The following PARD3 variants were observed in gnomAD, a reference collection of about 807,000 sequenced individuals.
PARD3 encodes the protein par-3 family cell polarity regulator.
A neutral mutation model predicts 155.4 loss-of-function variants in PARD3; 75 were observed. The ratio of observed to expected loss-of-function variants is 0.48; its 90% CI spans 0.40 to 0.58. The LOEUF is 0.58. Among genes scored for constraint, PARD3 ranks in the 20% least tolerant of loss-of-function variants. PARD3 has a pLI of 0.00. For synonymous variants in PARD3, 576 were observed against 610.5 expected (o/e 0.94, Z 0.83); for missense variants, 1,642 against 1,721.7 (o/e 0.95, Z 0.82).
At chr10:34,279,876 T>C (rs549864786) in intron 21 of PARD3, among the ~76,000 whole-genome samples, 1 of 152,308 alleles carries the variant, frequency 6.6e-6, no homozygotes, top group East Asian at 1.9e-4. Context: ...CCTAAGGAGA[T>C]TTATAAATAT....
chr10:34,811,504 C>T (rs1410769239), intron 1 of PARD3, among the ~76,000 whole-genome samples: 5 of 152,134 alleles, frequency 3.3e-5, no homozygotes, highest in African/African-American at 1.2e-4. Flanking sequence ...GCCTTCCCAC[C>T]AACCAAGCCC....
At chr10:34,721,110 A>G (rs1032351882) in intron 1 of PARD3, among the ~76,000 whole-genome samples, 1 of 152,188 alleles carries the variant, frequency 6.6e-6, no homozygotes, top group Non-Finnish European at 1.5e-5. Flanking sequence ...TATATCAACT[A>G]TTCAAAGTAA....
intron 22 of PARD3, among the ~76,000 whole-genome samples, chr10:34,193,770 C>T (rs1380311821): frequency 2.6e-5 from 4 of 152,184 alleles, no homozygotes; most frequent in African/African-American, 9.7e-5. Flanking sequence ...TACAAGAGCT[C>T]TAAGTGAAGC....
At chr10:34,346,110 G>A (rs1164297720) in intron 15 of PARD3, 4 of 1,006,406 alleles carry the variant, frequency 4.0e-6, no homozygotes, top group Admixed American at 5.8e-5. Context: ...AGAACTGGGA[G>A]AGAAGTTACT....
intron 1 of PARD3, among the ~76,000 whole-genome samples, chr10:34,781,629 C>T (rs1482631438): frequency 6.6e-6 from 1 of 152,214 alleles, no homozygotes; most frequent in African/African-American, 2.4e-5. Context: ...TTTATAATAA[C>T]TTATTTGTTC....
chr10:34,717,551 C>A (rs1023552311), intron 1 of PARD3, among the ~76,000 whole-genome samples: 3 of 152,114 alleles, frequency 2.0e-5, no homozygotes, highest in Admixed American at 6.5e-5. Context: ...CTTTCCAAAC[C>A]CTGAGAGTCT....
At chr10:34,394,919 T>C (rs955583926) in intron 7 of PARD3, among the ~76,000 whole-genome samples, 3 of 151,370 alleles carry the variant, frequency 2.0e-5, no homozygotes, top group Non-Finnish European at 4.4e-5. Context: ...AACCAGGTTC[T>C]AGAAATATTA....
intron 20 of PARD3, among the ~76,000 whole-genome samples, chr10:34,303,984 T>A (rs1230441767): frequency 4.6e-5 from 7 of 150,934 alleles, no homozygotes; most frequent in African/African-American, 1.7e-4. Context: ...AAGGGGAAAA[T>A]GAGGGTGGGA....
At chr10:34,380,824 A>G (rs1841745515) in intron 9 of PARD3, among the ~76,000 whole-genome samples, 1 of 152,208 alleles carries the variant, frequency 6.6e-6, no homozygotes, top group South Asian at 2.1e-4. Flanking sequence ...ATGGTGAAGC[A>G]AAATACTGTA....
rs1564725579 is a variant in PARD3 at position 34,448,166 on chromosome 10, C to CGTGTGT, written c.714+2150_714+2151insACACAC. ...GTGTGTGTGTGTGTGTGTGTGTGTA[C>CGTGTGT]ACATAAATGTATAAAATGGAATATT... On this transcript the variant is annotated intron_variant, in intron 5 of 24. Coordinates refer to ENST00000374788, the MANE Select transcript of PARD3 (RefSeq NM_001184785.2). 7.7e-3 allele frequency among the ~76,000 whole-genome samples: 940 copies of CGTGTGT among 122,662 alleles called. 8 individuals carry two copies. Among genetic ancestry groups the CGTGTGT allele is most frequent in the African/African-American group, 0.031 (887 of 28,508 alleles). The allele number at this position is 122,662 out of a possible 152,430, so 80.5% of individuals were successfully genotyped here. A position where few individuals can be genotyped will look rare whatever the true frequency, so the allele number is the denominator to read the frequency against.
intron 1 of PARD3, among the ~76,000 whole-genome samples, chr10:34,781,148 T>C (rs1840194329): frequency 6.6e-6 from 1 of 152,194 alleles, no homozygotes; most frequent in African/African-American, 2.4e-5. Flanking sequence ...AGCACCCACA[T>C]GTGCAGAGGC....
chr10:34,352,852 G>C lies in PARD3; in HGVS notation c.2068-4737C>G, dbSNP rs553626721. ...CCCTCTGCCCGGCTGCCCAGTCTGGGAAGTGAGGAGCGCCTCTTCCCAGCC... is the reference window on the plus strand; with the variant it reads ...CCCTCTGCCCGGCTGCCCAGTCTGGCAAGTGAGGAGCGCCTCTTCCCAGCC... On this transcript the variant is annotated intron_variant, in intron 14 of 24. Transcript: ENST00000374788. 4.1e-3 allele frequency among the ~76,000 whole-genome samples: 626 copies of C among 152,134 alleles called. 3 individuals carry two copies. Among genetic ancestry groups the C allele is most frequent in the African/African-American group, 8.8e-3 (365 of 41,512 alleles).
At chr10:34,582,554 A>G (rs1282582640) in intron 2 of PARD3, among the ~76,000 whole-genome samples, 2 of 152,188 alleles carry the variant, frequency 1.3e-5, no homozygotes, top group Non-Finnish European at 2.9e-5. Context: ...CCTCTTATAT[A>G]TATCTCCACA....
chr10:34,542,234 T>TGTGTGTGTGCCC (rs143582528), intron 2 of PARD3, among the ~76,000 whole-genome samples: 1 of 146,198 alleles, frequency 6.8e-6, no homozygotes. Context: ...TGTGTGTGTG[T>TGTGTGTGTGCCC]GTGTGCACAC....
chr10:34,633,425 T>A (rs1390227041), intron 2 of PARD3, among the ~76,000 whole-genome samples: 1 of 152,062 alleles, frequency 6.6e-6, no homozygotes, highest in African/African-American at 2.4e-5. Flanking sequence ...ATTCTGCGTA[T>A]CCGTGAAAAC....
chr10:34,399,980 C>T (rs963845832), intron 6 of PARD3, among the ~76,000 whole-genome samples: 16 of 152,146 alleles, frequency 1.1e-4, no homozygotes, highest in Non-Finnish European at 1.5e-5. Context: ...AGTGACAGTC[C>T]AAGGGAGATC....
intron 15 of PARD3, chr10:34,346,402 G>T (rs1837429301): frequency 7.5e-7 from 1 of 1,340,500 alleles, no homozygotes; most frequent in African/African-American, 1.5e-5. Flanking sequence ...GCAGGTTACA[G>T]GAACTGGTGG....
chr10:34,143,690 C>T (rs955147729), intron 22 of PARD3, among the ~76,000 whole-genome samples: 3 of 151,992 alleles, frequency 2.0e-5, no homozygotes, highest in African/African-American at 7.2e-5. Flanking sequence ...CTTGAAATGA[C>T]TCAGAATATT....
chr10:34,182,152 G>C (rs1466842443), intron 22 of PARD3, among the ~76,000 whole-genome samples: 1 of 152,154 alleles, frequency 6.6e-6, no homozygotes, highest in East Asian at 1.9e-4. Flanking sequence ...GGGAGGAGGA[G>C]TCCGAGCGCT....
Sources: allele counts gnomAD v4.1 joint callset (sites outside exome capture counted in the v4.1 genomes callset), GRCh38; gene constraint gnomAD v4.1.1; transcripts MANE v1.5; gene names NCBI Gene and HGNC (gene_info 2026-07-23, HGNC 2026-07-21).